CBLB: variants seen among roughly 807,000 people sequenced by gnomAD.
CBLB encodes the protein E3 ubiquitin-protein ligase CBL-B.
Under a neutral mutation model 104.9 loss-of-function variants are expected in CBLB, and 31 were observed. The observed-to-expected ratio is 0.30, with a 90% CI of 0.22 to 0.40. The LOEUF (loss-of-function observed/expected upper bound fraction) is 0.40. CBLB is among the 10% of genes least tolerant of loss of function. The pLI, the probability that CBLB is intolerant of heterozygous loss-of-function variation, is 1.00. For missense variants in CBLB, 1,062 were observed against 1,214.6 expected, an observed-to-expected ratio of 0.87 and a Z score of 1.87; for synonymous variants, 440 against 422.6, an observed-to-expected ratio of 1.04 and a Z score of -0.51.
intron 18 of CBLB, among the ~76,000 whole-genome samples, chr3:105,665,464 T>TAC (rs1227277800): frequency 7.1e-5 from 10 of 141,542 alleles, no homozygotes; most frequent in Non-Finnish European, 1.5e-4. Flanking sequence ...CACATATATA[T>TAC]ACACACACAC....
intron 18 of CBLB, among the ~76,000 whole-genome samples, chr3:105,662,376 T>C (rs1031266417): frequency 4.6e-5 from 7 of 152,214 alleles, no homozygotes; most frequent in Admixed American, 2.6e-4. Flanking sequence ...GAAATAACTA[T>C]AAATTTTATC....
At chr3:105,791,131 GAGCTAGGAGCGTTTCTT>G (rs2081587187) in intron 3 of CBLB, among the ~76,000 whole-genome samples, 1 of 152,178 alleles carries the variant, frequency 6.6e-6, no homozygotes. Flanking sequence ...GATAACAAAT[GAGCTAGGAGCGTTTCTT>G]CCCTGTATCC....
chr3:105,756,115 T>C (rs1232203221), intron 4 of CBLB, among the ~76,000 whole-genome samples: 1 of 152,204 alleles, frequency 6.6e-6, no homozygotes, highest in Non-Finnish European at 1.5e-5. Context: ...TAATATGCTC[T>C]AGTGTACTAA....
intron 14 of CBLB, among the ~76,000 whole-genome samples, chr3:105,684,404 TTAAAGA>T (rs1406428199): frequency 4.5e-4 from 68 of 152,294 alleles, no homozygotes; most frequent in Non-Finnish European, 1.0e-4. Context: ...ATGCCTTTAC[TTAAAGA>T]TAAAGTAATA....
intron 4 of CBLB, among the ~76,000 whole-genome samples, chr3:105,757,104 T>C (rs2077154330): frequency 6.6e-6 from 1 of 152,272 alleles, no homozygotes; most frequent in African/African-American, 2.4e-5. Context: ...GCTAATACCA[T>C]GCCTGTACAG....
At chr3:105,681,388 A>T in intron 16 of CBLB, 91 bp downstream of exon 16, 1 of 1,339,288 alleles carries the variant, frequency 7.5e-7, no homozygotes, top group Non-Finnish European at 1.1e-6. Context: ...CAACCCAGTG[A>T]GTCTGTGTTA....
At chr3:105,696,578 A>G (rs2152764683) in intron 12 of CBLB, among the ~76,000 whole-genome samples, 1 of 151,960 alleles carries the variant, frequency 6.6e-6, no homozygotes, top group South Asian at 2.1e-4. Flanking sequence ...CTGAAACCTC[A>G]CTGAATCCTC....
chr3:105,728,532 G>A (rs926651550), intron 9 of CBLB, among the ~76,000 whole-genome samples: 3 of 152,158 alleles, frequency 2.0e-5, no homozygotes, highest in Non-Finnish European at 4.4e-5. Context: ...CAGAATCACT[G>A]CTGCATAATA....
At chr3:105,842,683 T>C (rs2089721686) in intron 3 of CBLB, among the ~76,000 whole-genome samples, 1 of 152,160 alleles carries the variant, frequency 6.6e-6, no homozygotes, top group South Asian at 2.1e-4. Flanking sequence ...GCCCTTCCCC[T>C]TTCCTGCCTT....
At position 105,853,211 on chromosome 3, in the gene CBLB, C is replaced by T. The variant is rs115605323; in HGVS notation, c.419+203G>A. Among the ~76,000 whole-genome samples the T allele has an allele frequency of 2.6e-3, 390 of 152,268 alleles. 1 individual carries two copies. The highest frequency in any genetic ancestry group is 6.8e-3 in the African/African-American group (282 of 41,546). On this transcript the variant is annotated intron_variant, in intron 3 of 18. Coordinates refer to ENST00000394030, the MANE Select transcript of CBLB (RefSeq NM_170662.5). ...AATACCATCTAGCTCTGTGTAAGTA[C>T]ACTCTATCATGTCCACACAACAATG...
intron 3 of CBLB, among the ~76,000 whole-genome samples, chr3:105,793,305 T>C (rs1460697036): frequency 6.6e-6 from 1 of 151,974 alleles, no homozygotes; most frequent in Non-Finnish European, 1.5e-5. Flanking sequence ...CACACAAGCA[T>C]GCCCAGCACT....
At chr3:105,728,635 C>G (rs1200858628) in intron 9 of CBLB, among the ~76,000 whole-genome samples, 1 of 152,270 alleles carries the variant, frequency 6.6e-6, no homozygotes, top group Admixed American at 6.5e-5. Context: ...TGAAAGACAA[C>G]TCTCCAAGTT....
At chr3:105,768,792 G>A (rs1332768895) in intron 4 of CBLB, among the ~76,000 whole-genome samples, 1 of 152,132 alleles carries the variant, frequency 6.6e-6, no homozygotes, top group Non-Finnish European at 1.5e-5. Flanking sequence ...GTAGAAGGGT[G>A]TATATGAATG....
intron 3 of CBLB, among the ~76,000 whole-genome samples, chr3:105,836,054 T>G (rs2088442563): frequency 1.3e-5 from 2 of 152,204 alleles, no homozygotes; most frequent in Admixed American, 1.3e-4. Flanking sequence ...AGGTAAACAC[T>G]GCTTGCCTTT....
intron 4 of CBLB, among the ~76,000 whole-genome samples, chr3:105,758,839 A>G (rs982062457): frequency 6.6e-6 from 1 of 152,172 alleles, no homozygotes; most frequent in African/African-American, 2.4e-5. Context: ...GACTCCAGAA[A>G]CTGCAGTCTC....
rs932137462 is a variant in CBLB, at chr3:105,776,615, A to G, written c.420-73T>C. On this transcript the variant is annotated intron_variant, in intron 3 of 18. Transcript: ENST00000394030. Reference sequence around the variant, plus strand: ...TGCATGCAAATTTTTATGGTAATATATATTAAGACAAACAATGTTATGTAT... The same window carrying G: ...TGCATGCAAATTTTTATGGTAATATGTATTAAGACAAACAATGTTATGTAT... The G allele has an allele frequency of 3.0e-6, 4 of 1,334,384 alleles. No individual in the cohort carries two copies. The African/African-American group carries it at 4.4e-5, about 15-fold the overall frequency. 82.7% of individuals were successfully genotyped at this position (1,334,384 alleles called of 1,614,324 possible). A position where few individuals can be genotyped will look rare whatever the true frequency, so the allele number is the denominator to read the frequency against.
intron 2 of CBLB, among the ~76,000 whole-genome samples, chr3:105,861,688 C>T (rs1411173829): frequency 6.7e-6 from 1 of 148,276 alleles, no homozygotes; most frequent in Non-Finnish European, 1.5e-5. Context: ...CACACATACA[C>T]ACACACACAC....
rs144639540 is a variant in CBLB at position 105,702,343 on chromosome 3, T to C, written c.1710A>G (p.Arg570=). 2.3e-4 allele frequency: 375 copies of C among 1,613,718 alleles called. 4 individuals are homozygous for C. The African/African-American group carries it at 4.4e-3, about 19-fold the overall frequency. Residue 570 remains arginine, a synonymous_variant, in exon 12 of 19, where the codon AGA becomes AGG. Transcript: ENST00000394030. ...ERPPPIPPDN[R]LSRHIHHVES... Reference sequence around the variant, plus strand: ...CCACATGATGGATGTGTCTACTCAGTCTATTGTCTGGTGGGATTGGTGGAG... The same window carrying C: ...CCACATGATGGATGTGTCTACTCAGCCTATTGTCTGGTGGGATTGGTGGAG...
chr3:105,821,056 A>C (rs2085771098), intron 3 of CBLB, among the ~76,000 whole-genome samples: 1 of 152,200 alleles, frequency 6.6e-6, no homozygotes, highest in Non-Finnish European at 1.5e-5. Flanking sequence ...CCCAACACTT[A>C]CATTTTTTAT....
Sources: allele counts gnomAD v4.1 joint callset (sites outside exome capture counted in the v4.1 genomes callset), GRCh38; gene constraint gnomAD v4.1.1; transcripts MANE v1.5; gene names NCBI Gene and HGNC (gene_info 2026-07-23, HGNC 2026-07-21).